MEF2C: variants seen among roughly 807,000 people sequenced by gnomAD.
MEF2C encodes the protein myocyte-specific enhancer factor 2C.
Under a neutral mutation model 50.5 loss-of-function variants are expected in MEF2C, and 6 were observed. The ratio of observed to expected loss-of-function variants is 0.12; its 90% CI spans 0.07 to 0.23. The LOEUF is 0.23. Among genes scored for constraint, MEF2C ranks in the 10% least tolerant of loss-of-function variants. The pLI is 1.00. For synonymous variants in MEF2C, 183 were observed against 228.0 expected, an observed-to-expected ratio of 0.80 and a Z score of 1.78; for missense variants, 276 against 605.0, an observed-to-expected ratio of 0.46 and a Z score of 5.70.
At chr5:88,889,779 T>G (rs550835198) in intron 1 of MEF2C, among the ~76,000 whole-genome samples, 21 of 152,158 alleles carry the variant, frequency 1.4e-4, no homozygotes, top group African/African-American at 4.6e-4. Context: ...GCCGGGGTAG[T>G]TGTCCTGCTG....
At chr5:88,780,635 T>G in intron 3 of MEF2C, 1 of 446,672 alleles carries the variant, frequency 2.2e-6, no homozygotes, top group Non-Finnish European at 2.9e-6. Flanking sequence ...AGGGCAAAGA[T>G]ACTTAAGTTT....
At chr5:88,824,500 T>A in intron 1 of MEF2C, 1 of 246,230 alleles carries the variant, frequency 4.1e-6, no homozygotes, top group Non-Finnish European at 6.5e-6. Context: ...ATTATTGCTG[T>A]GAGAACACCT....
intron 6 of MEF2C, chr5:88,734,546 G>A (rs1389327845): frequency 1.1e-6 from 1 of 877,232 alleles, no homozygotes; most frequent in African/African-American, 1.9e-5. Flanking sequence ...ATGCTTCACG[G>A]AGGCCTTGAG....
At chr5:88,742,479 C>A in intron 6 of MEF2C, 3 of 978,766 alleles carry the variant, frequency 3.1e-6, no homozygotes, top group Non-Finnish European at 3.6e-6. Flanking sequence ...GTAAAGAAAC[C>A]AATCTTCACA....
intron 1 of MEF2C, among the ~76,000 whole-genome samples, chr5:88,835,491 T>C (rs1265765941): frequency 6.6e-6 from 1 of 152,090 alleles, no homozygotes; most frequent in Non-Finnish European, 1.5e-5. Flanking sequence ...TTGAATTATC[T>C]AGTATTTTAA....
At chr5:88,804,045 A>G (rs1799386610) in intron 3 of MEF2C, among the ~76,000 whole-genome samples, 1 of 152,258 alleles carries the variant, frequency 6.6e-6, no homozygotes, top group South Asian at 2.1e-4. Context: ...ATATAATGAT[A>G]TAATTTTTAG....
At chr5:88,787,395 C>T (rs1212319881) in intron 3 of MEF2C, among the ~76,000 whole-genome samples, 1 of 151,956 alleles carries the variant, frequency 6.6e-6, no homozygotes, top group East Asian at 1.9e-4. Context: ...CTGTTATAAC[C>T]TGCAATCCTC....
chr5:88,782,107 G>C (rs1788401316), intron 3 of MEF2C: 18 of 963,124 alleles, frequency 1.9e-5, no homozygotes, highest in Non-Finnish European at 2.1e-5. Context: ...ACTTCATTAG[G>C]AACTTCTAAA....
intron 1 of MEF2C, among the ~76,000 whole-genome samples, chr5:88,829,712 GA>G (rs1812301615): frequency 6.6e-6 from 1 of 152,014 alleles, no homozygotes. Context: ...TTGATACTGA[GA>G]ATTGGAAGTT....
At chr5:88,820,335 G>A (rs941670343) in intron 2 of MEF2C, among the ~76,000 whole-genome samples, 1 of 151,852 alleles carries the variant, frequency 6.6e-6, no homozygotes, top group African/African-American at 2.4e-5. Context: ...CTGAATTTGA[G>A]CTGTCAATTT....
At chr5:88,833,851 T>C (rs1379280660) in intron 1 of MEF2C, among the ~76,000 whole-genome samples, 2 of 152,084 alleles carry the variant, frequency 1.3e-5, no homozygotes, top group Admixed American at 1.3e-4. Context: ...GAGAACTGGG[T>C]ACTGTGGCAC....
chr5:88,786,850 C>T (rs182084100), intron 3 of MEF2C, among the ~76,000 whole-genome samples: 57 of 152,336 alleles, frequency 3.7e-4, no homozygotes, highest in Non-Finnish European at 6.6e-4. Flanking sequence ...CTGAAATCTA[C>T]AGTAAGATTT....
At chr5:88,857,006 G>A (rs1417127435) in intron 1 of MEF2C, among the ~76,000 whole-genome samples, 1 of 152,198 alleles carries the variant, frequency 6.6e-6, no homozygotes, top group Non-Finnish European at 1.5e-5. Flanking sequence ...CATGCACCTG[G>A]AAAAGCCACA....
intron 1 of MEF2C, among the ~76,000 whole-genome samples, chr5:88,866,454 C>A (rs758113594): frequency 6.6e-6 from 1 of 152,168 alleles, no homozygotes; most frequent in Non-Finnish European, 1.5e-5. Flanking sequence ...CTCTGGCCAG[C>A]CTCTCTGTCC....
At chr5:88,882,690 T>G (rs1363142159) in intron 1 of MEF2C, among the ~76,000 whole-genome samples, 1 of 152,178 alleles carries the variant, frequency 6.6e-6, no homozygotes, top group East Asian at 1.9e-4. Context: ...TTCATGAAAC[T>G]TTAAATACAC....
chr5:88,776,300 A>C (rs1784718515), intron 3 of MEF2C, among the ~76,000 whole-genome samples: 1 of 152,228 alleles, frequency 6.6e-6, no homozygotes. Flanking sequence ...TGGCATGATT[A>C]AATCTAACTA....
chr5:88,839,420 T>C (rs922336115), intron 1 of MEF2C: 14 of 152,010 alleles, frequency 9.2e-5, no homozygotes, highest in African/African-American at 2.9e-4. Context: ...AGGCAGTTGA[T>C]GGTGCAAAGC....
rs554330161 is a variant in MEF2C at position 88,780,914 on chromosome 5, A to C, written c.259-19586T>G. 27 of 985,312 alleles carry C rather than the reference A, an allele frequency of 2.7e-5. No homozygotes were observed. The African/African-American group carries it at 4.4e-4, about 16-fold the overall frequency. The allele number at this position is 985,312 out of a possible 1,614,324, so 61.0% of individuals were successfully genotyped here. The stretch of plus-strand genomic sequence containing the variant: ...GTCTAACTCCTCTTCTTGGATACAA[A>C]GTAGTTCAAAGGGGACACCAGGAAA... On this transcript the variant is annotated intron_variant, in intron 3 of 10. Transcript: ENST00000504921.
At chr5:88,727,470 A>G (rs907549260) in intron 10 of MEF2C, among the ~76,000 whole-genome samples, 2 of 152,132 alleles carry the variant, frequency 1.3e-5, no homozygotes, top group East Asian at 1.9e-4. Context: ...ACCAGCAAAC[A>G]TAAGAGACAC....
Sources: gnomAD v4.1 joint callset for allele counts (sites outside exome capture counted in the v4.1 genomes callset) on GRCh38, gnomAD v4.1.1 for gene constraint, MANE v1.5 for transcripts, NCBI Gene and HGNC (gene_info 2026-07-23, HGNC 2026-07-21) for gene names.